Variants in MDGA2 observed in about 807,000 individuals in gnomAD.
The protein encoded by MDGA2 is MAM domain containing glycosylphosphatidylinositol anchor 2, also known as MAM domain-containing glycosylphosphatidylinositol anchor protein 2.
Under a neutral mutation model 117.8 loss-of-function variants are expected in MDGA2, and 40 were observed. The ratio of observed to expected loss-of-function variants is 0.34; its 90% CI spans 0.26 to 0.44. The LOEUF (loss-of-function observed/expected upper bound fraction) is 0.44, where lower values mean the gene tolerates loss of function less well. Ranked by LOEUF, MDGA2 falls within the 20% of genes least tolerant of loss-of-function variation. MDGA2 has a pLI of 1.00. For missense variants in MDGA2, 1,123 were observed against 1,250.6 expected (o/e 0.90, Z 1.54); for synonymous variants, 452 against 439.0 (o/e 1.03, Z -0.37).
chr14:47,514,670 T>C (rs754896019), intron 1 of MDGA2, among the ~76,000 whole-genome samples: 9 of 152,172 alleles, frequency 5.9e-5, no homozygotes, highest in Non-Finnish European at 1.3e-4. Flanking sequence ...TTGTCCTTTA[T>C]ACTTGAAAGA....
intron 9 of MDGA2, among the ~76,000 whole-genome samples, chr14:46,938,431 C>T (rs966732013): frequency 1.3e-5 from 2 of 149,188 alleles, no homozygotes; most frequent in African/African-American, 2.5e-5. Flanking sequence ...CCCAGCTACT[C>T]GGGAGGGCTG....
chr14:47,348,192 T>C (rs1481810484), intron 1 of MDGA2, among the ~76,000 whole-genome samples: 1 of 151,068 alleles, frequency 6.6e-6, no homozygotes, highest in Non-Finnish European at 1.5e-5. Context: ...TGTGTGTGTG[T>C]GTGCTTAAAA....
At chr14:47,141,509 A>C (rs1882717068) in intron 4 of MDGA2, among the ~76,000 whole-genome samples, 1 of 152,212 alleles carries the variant, frequency 6.6e-6, no homozygotes, top group South Asian at 2.1e-4. Flanking sequence ...TATTTTACCT[A>C]ATATAATGTT....
intron 6 of MDGA2, among the ~76,000 whole-genome samples, chr14:47,092,906 G>A (rs895295110): frequency 1.2e-4 from 18 of 152,142 alleles, no homozygotes; most frequent in East Asian, 3.9e-4. Context: ...TCAGGGAAAC[G>A]CCCATCACTG....
intron 3 of MDGA2, among the ~76,000 whole-genome samples, chr14:47,202,358 A>G (rs1315390519): frequency 6.6e-6 from 1 of 152,242 alleles, no homozygotes; most frequent in African/African-American, 2.4e-5. Context: ...GCTTGCAATT[A>G]GATTAACTCA....
chr14:46,994,187 T>G (rs959092863), intron 8 of MDGA2, among the ~76,000 whole-genome samples: 1 of 152,142 alleles, frequency 6.6e-6, no homozygotes, highest in Non-Finnish European at 1.5e-5. Context: ...CGGAAGGTAA[T>G]GCCCATCCTG....
intron 1 of MDGA2, among the ~76,000 whole-genome samples, chr14:47,326,983 G>A (rs1279856225): frequency 6.6e-6 from 1 of 152,136 alleles, no homozygotes; most frequent in Non-Finnish European, 1.5e-5. Context: ...GGAGAGGATG[G>A]AGTTGAGAAA....
chr14:47,636,986 A>T (rs945630438), intron 1 of MDGA2, among the ~76,000 whole-genome samples: 27 of 152,020 alleles, frequency 1.8e-4, no homozygotes, highest in East Asian at 5.8e-4. Context: ...AAAAAAAATT[A>T]AAAAAATGAA....
At chr14:46,908,006 C>T (rs908015207) in intron 10 of MDGA2, among the ~76,000 whole-genome samples, 1 of 152,096 alleles carries the variant, frequency 6.6e-6, no homozygotes, top group Non-Finnish European at 1.5e-5. Flanking sequence ...GTTGCAGGCA[C>T]CATTGTGTTA....
At chr14:46,890,331 TTAA>T (rs1402935134) in intron 10 of MDGA2, among the ~76,000 whole-genome samples, 11 of 152,260 alleles carry the variant, frequency 7.2e-5, no homozygotes, top group Admixed American at 3.9e-4. Context: ...GAGAGAGCAG[TTAA>T]TAAAGAAAAT....
At chr14:46,964,721 G>A (rs984183371) in intron 8 of MDGA2, among the ~76,000 whole-genome samples, 5 of 152,106 alleles carry the variant, frequency 3.3e-5, no homozygotes, top group African/African-American at 1.2e-4. Context: ...GGAGATTAAT[G>A]ATACTACAGT....
intron 2 of MDGA2, among the ~76,000 whole-genome samples, chr14:47,235,795 C>T (rs1358578357): frequency 6.6e-6 from 1 of 152,102 alleles, no homozygotes; most frequent in Non-Finnish European, 1.5e-5. Flanking sequence ...TGTCTTATCC[C>T]TTCCTGTTCC....
chr14:47,146,629 T>C (rs1299003138), intron 3 of MDGA2, among the ~76,000 whole-genome samples: 1 of 152,240 alleles, frequency 6.6e-6, no homozygotes, highest in Non-Finnish European at 1.5e-5. Context: ...GTAAACAATT[T>C]ACTTTTTTTC....
intron 1 of MDGA2, among the ~76,000 whole-genome samples, chr14:47,308,798 T>C (rs1594786708): frequency 6.6e-6 from 1 of 152,132 alleles, no homozygotes; most frequent in Admixed American, 6.6e-5. Context: ...TGCTTTGCCC[T>C]CCTCTGTCTA....
intron 14 of MDGA2, among the ~76,000 whole-genome samples, chr14:46,868,826 A>G (rs768902144): frequency 8.6e-5 from 13 of 151,984 alleles, no homozygotes; most frequent in Admixed American, 6.6e-4. Context: ...GTACCTCTGT[A>G]TCTGTTTTGC....
chr14:47,315,283 T>C (rs939070355), intron 1 of MDGA2, among the ~76,000 whole-genome samples: 1 of 152,162 alleles, frequency 6.6e-6, no homozygotes, highest in African/African-American at 2.4e-5. Flanking sequence ...TCCAGACATT[T>C]TTTATTGACT....
At chr14:46,885,676 C>T (rs149514982) in intron 10 of MDGA2, among the ~76,000 whole-genome samples, 1 of 152,184 alleles carries the variant, frequency 6.6e-6, no homozygotes, top group Non-Finnish European at 1.5e-5. Flanking sequence ...AACAAGTTAG[C>T]CTGCCACAAT....
intron 1 of MDGA2, among the ~76,000 whole-genome samples, chr14:47,582,225 T>G (rs1444996119): frequency 4.6e-5 from 7 of 151,778 alleles, no homozygotes; most frequent in African/African-American, 1.7e-4. Flanking sequence ...ATATGAGACA[T>G]AAAAGAGGGA....
At chr14:47,645,419 A>G (rs1183088268) in intron 1 of MDGA2, among the ~76,000 whole-genome samples, 14 of 151,898 alleles carry the variant, frequency 9.2e-5, no homozygotes, top group Admixed American at 6.5e-4. Flanking sequence ...TATTTTTATT[A>G]GAGACGGAGT....
Sources: allele counts gnomAD v4.1 joint callset (sites outside exome capture counted in the v4.1 genomes callset), GRCh38; gene constraint gnomAD v4.1.1; transcripts MANE v1.5; gene names NCBI Gene and HGNC (gene_info 2026-07-23, HGNC 2026-07-21).